The following CHD5 variants were observed in gnomAD, a reference collection of about 807,000 sequenced individuals.
CHD5 encodes chromodomain helicase DNA binding protein 5.
Under a neutral mutation model 230.3 loss-of-function variants are expected in CHD5, and 69 were observed. The observed-to-expected ratio is 0.30, with a 90% CI of 0.25 to 0.37. The LOEUF (loss-of-function observed/expected upper bound fraction) is 0.37. CHD5 is among the 10% of genes least tolerant of loss of function. CHD5 has a pLI of 1.00. For missense variants in CHD5, 1,827 were observed against 2,622.8 expected (o/e 0.70, Z 6.63); for synonymous variants, 1,064 against 1,065.9 (o/e 1.00, Z 0.03).
rs2100882155 is a variant in CHD5, at chr1:6,168,176, A to G, written c.181T>C (p.Cys61Arg). The G allele has an allele frequency of 1.2e-6, 2 of 1,610,134 alleles. No individual in the cohort carries two copies. Among genetic ancestry groups the G allele is most frequent in the Non-Finnish European group, 8.5e-7 (1 of 1,177,364 alleles). ...TCTTTCTTCTTCCGCTTCCCTTTAC[A>G]CTTGTTTTCCTTGAGCTTCTTGGGT... ...KKPKKLKENK[C>R]KGKRKKKEGS... The change falls in exon 2 of 42, where the codon TGT (cysteine) becomes CGT (arginine). Residue 61 changes from cysteine to arginine, a missense_variant. Coordinates refer to ENST00000262450, the MANE Select transcript of CHD5 (RefSeq NM_015557.3).
Position 6,105,369 on chromosome 1 carries a change from TA to T in CHD5, c.*104del. On this transcript the variant is annotated 3_prime_UTR_variant, in exon 42 of 42. Transcript: ENST00000262450. The surrounding 1 kb of genome is among the most constrained non-coding windows in gnomAD (Gnocchi z 4.8). ...TTTGTCCCAAGGTGGCGCTGGCTCC[TA>T]AAAAGGTGGCAGCTTTTCTCTCCCA... The T allele has an allele frequency of 2.1e-6, 1 of 470,488 alleles. No individual in the cohort carries two copies. The highest frequency in any genetic ancestry group is 1.5e-5 in the South Asian group (1 of 64,520). 29.1% of individuals were successfully genotyped at this position (470,488 alleles called of 1,614,324 possible).
chr1:6,175,169 A>ATGGTGGGTGGATGAATGAG (rs1667404708), intron 1 of CHD5, among the ~76,000 whole-genome samples: 1 of 139,628 alleles, frequency 7.2e-6, no homozygotes, highest in Non-Finnish European at 1.5e-5. Context: ...TGGTGGGCGG[A>ATGGTGGGTGGATGAATGAG]TGGTGGGTGG....
At chr1:6,152,753 T>C (rs530391996) in intron 5 of CHD5, among the ~76,000 whole-genome samples, 1 of 152,338 alleles carries the variant, frequency 6.6e-6, no homozygotes, top group South Asian at 2.1e-4. Context: ...GACTGGAGGC[T>C]GCCCTGACCG....
intron 20 of CHD5, among the ~76,000 whole-genome samples, chr1:6,133,899 G>A (rs1482149616): frequency 1.3e-5 from 2 of 152,218 alleles, no homozygotes; most frequent in Non-Finnish European, 2.9e-5. Context: ...ATGCAGACCA[G>A]AAGGGCAGGT....
chr1:6,146,534 C>T lies in CHD5; in HGVS notation c.1591-111G>A, dbSNP rs1003439057. 1.3e-5 allele frequency: 18 copies of T among 1,385,690 alleles called. No homozygotes were observed. The highest frequency in any genetic ancestry group is 5.4e-5 in the Admixed American group (3 of 55,206). The allele number at this position is 1,385,690 out of a possible 1,614,324, so 85.8% of individuals were successfully genotyped here. On this transcript the variant is annotated intron_variant, in intron 10 of 41. Transcript: ENST00000262450. This position sits in a 1 kb window ranked among gnomAD's most constrained non-coding sequence, Gnocchi z 5.1. ...CAGGTCCCAGGCAGGACAATCCTCC[C>T]GCTCAGCACCACCCCAACTCCCAAC...
chr1:6,146,788 C>A lies in CHD5; in HGVS notation c.1467G>T (p.Pro489=), dbSNP rs545182922. 1.3e-6 allele frequency: 2 copies of A among 1,596,506 alleles called. No homozygotes were observed. The highest frequency in any genetic ancestry group is 2.2e-5 in the East Asian group (1 of 44,584). ...GGAGGCTGGGCTCCACGTCAGGCCC[C>A]GGCAGCCCCACCATGAAGGGGGCAG... ...EPPAPFMVGL[P]GPDVEPSLPP... Residue 489 remains proline, a synonymous_variant, in exon 10 of 42, where the codon CCG becomes CCT. Coordinates refer to ENST00000262450, the MANE Select transcript of CHD5 (RefSeq NM_015557.3). This position sits in a 1 kb window ranked among gnomAD's most constrained non-coding sequence, Gnocchi z 5.1.
At position 6,111,769 on chromosome 1, in the gene CHD5, G is replaced by A; in HGVS notation, c.5249+6C>T. The A allele has an allele frequency of 6.2e-7, 1 of 1,612,398 alleles. No individual in the cohort carries two copies. Among genetic ancestry groups the A allele is most frequent in the Middle Eastern group, 1.7e-4 (1 of 6,052 alleles). On this transcript the variant is annotated splice_donor_region_variant and intron_variant, in intron 36 of 41. Coordinates refer to ENST00000262450, the MANE Select transcript of CHD5 (RefSeq NM_015557.3). ...TCCCTGCCCAGCCCGGCCTGGCCAA[G>A]GATACGTCACGATGCCCGCCAGCAG... is the stretch of plus-strand genomic sequence containing the variant.
intron 6 of CHD5, 143 bp downstream of exon 6, chr1:6,152,269 G>T (rs1429603027): frequency 1.2e-5 from 10 of 860,502 alleles, no homozygotes; most frequent in Non-Finnish European, 1.6e-5. Context: ...CTGCATGTAG[G>T]ATGGAAGGAG....
chr1:6,108,360 GATGGAGGA>G (rs1347363083), intron 38 of CHD5, among the ~76,000 whole-genome samples: 1 of 149,944 alleles, frequency 6.7e-6, no homozygotes, highest in Non-Finnish European at 1.5e-5. Flanking sequence ...ATAATGGAGG[GATGGAGGA>G]ATGGAAGGAC....
chr1:6,128,331 T>G lies in CHD5; in HGVS notation c.3731-113A>C. The G allele has an allele frequency of 8.3e-7, 1 of 1,199,264 alleles. No individual in the cohort carries two copies. The highest frequency in any genetic ancestry group is 1.2e-6 in the Non-Finnish European group (1 of 840,328). The allele number at this position is 1,199,264 out of a possible 1,614,324, so 74.3% of individuals were successfully genotyped here. On this transcript the variant is annotated intron_variant, in intron 24 of 41. Coordinates refer to ENST00000262450, the MANE Select transcript of CHD5 (RefSeq NM_015557.3). The surrounding 1 kb of genome is among the most constrained non-coding windows in gnomAD (Gnocchi z 7.8). Reference sequence around the variant, plus strand: ...TCCCATCCCCAGCAGGGGCTGCAGCTGAGAGGCATGGTGACCAGACAGAGG... The same window carrying G: ...TCCCATCCCCAGCAGGGGCTGCAGCGGAGAGGCATGGTGACCAGACAGAGG...
intron 33 of CHD5, among the ~76,000 whole-genome samples, chr1:6,119,039 A>T (rs1666421909): frequency 6.7e-6 from 1 of 148,194 alleles, no homozygotes; most frequent in Admixed American, 6.8e-5. Context: ...TGATATGTTA[A>T]CTATATCACC....
chr1:6,159,180 C>G (rs1043409803), intron 3 of CHD5, among the ~76,000 whole-genome samples, 156 bp downstream of exon 3: 1 of 151,400 alleles, frequency 6.6e-6, no homozygotes, highest in African/African-American at 2.4e-5. Flanking sequence ...TGCAGTGAGC[C>G]GAGGTCACGC....
chr1:6,109,692 T>C lies in CHD5; in HGVS notation c.5578+103A>G, dbSNP rs1333077582. ...CCACCGCCCTCTGGGCTGACATCTG[T>C]CCCCAGCCCCTACCCCATCAGTGCC... On this transcript the variant is annotated intron_variant, in intron 38 of 41. Coordinates refer to ENST00000262450, the MANE Select transcript of CHD5 (RefSeq NM_015557.3). The C allele has an allele frequency of 2.2e-5, 22 of 992,758 alleles. No homozygotes were observed. In the Admixed American group the frequency reaches 3.1e-4, roughly 14 times the overall value. The allele number at this position is 992,758 out of a possible 1,614,324, so 61.5% of individuals were successfully genotyped here.
chr1:6,146,180 G>A lies in CHD5; in HGVS notation c.1802+32C>T, dbSNP rs747189579. 1.5e-5 allele frequency: 24 copies of A among 1,603,404 alleles called. No homozygotes were observed. Among genetic ancestry groups the A allele is most frequent in the Non-Finnish European group, 1.8e-5 (21 of 1,171,738 alleles). On this transcript the variant is annotated intron_variant, in intron 11 of 41. Transcript: ENST00000262450. This position sits in a 1 kb window ranked among gnomAD's most constrained non-coding sequence, Gnocchi z 5.1. ...GAAGCTGACGTGGCCCGGCCCCAGC[G>A]ATGGGCAGGGTGGCCGCCTGCAGGC...
intron 1 of CHD5, among the ~76,000 whole-genome samples, chr1:6,175,254 T>TGGAG (rs1667406381): frequency 7.6e-6 from 1 of 130,862 alleles, no homozygotes; most frequent in African/African-American, 3.9e-5. Flanking sequence ...GATGGATGGA[T>TGGAG]GGTGGGTGGA....
Position 6,144,074 on chromosome 1 carries a change from G to A in CHD5, c.1884C>T (p.Asp628=). ...GGTTGTCGTAGTAGGGGATGTCGATGTCATCGATCTCCCAGGTGCACTGGT... is the reference window on the plus strand; with the variant it reads ...GGTTGTCGTAGTAGGGGATGTCGATATCATCGATCTCCCAGGTGCACTGGT... ...PYDQCTWEID[D]IDIPYYDNLK... The change falls in exon 12 of 42, where the codon GAC becomes GAT. Residue 628 remains aspartate (D), a synonymous_variant. Coordinates refer to ENST00000262450, the MANE Select transcript of CHD5 (RefSeq NM_015557.3). 1.2e-6 allele frequency: 2 copies of A among 1,614,186 alleles called. No individual in the cohort carries two copies. Among genetic ancestry groups the A allele is most frequent in the Non-Finnish European group, 1.7e-6 (2 of 1,180,036 alleles).
In CHD5 at chr1:6,111,532, T is replaced by A. The variant is rs185418202; in HGVS notation, c.5249+243A>T. 1.4e-3 allele frequency among the ~76,000 whole-genome samples: 182 copies of A among 129,322 alleles called. 4 individuals are homozygous for A. The East Asian group carries it at 0.034, about 24-fold the overall frequency. The allele number at this position is 129,322 out of a possible 152,430, so 84.8% of individuals were successfully genotyped here. A position where few individuals can be genotyped will look rare whatever the true frequency, so the allele number is the denominator to read the frequency against. On this transcript the variant is annotated intron_variant, in intron 36 of 41. Coordinates refer to ENST00000262450, the MANE Select transcript of CHD5 (RefSeq NM_015557.3). Reference sequence around the variant, plus strand: ...CTGGGTGACAGAGTGAAACTCTATCTCAAAAAAAAAAAAAAAAAGAGAGAG... The same window carrying A: ...CTGGGTGACAGAGTGAAACTCTATCACAAAAAAAAAAAAAAAAAGAGAGAG...
rs1336817377 is a variant in CHD5, at chr1:6,105,984, C to T, written c.*46+250G>A. 6.6e-6 allele frequency among the ~76,000 whole-genome samples: 1 copy of T among 152,214 alleles called. No homozygotes were observed. Among genetic ancestry groups the T allele is most frequent in the Non-Finnish European group, 1.5e-5 (1 of 68,032 alleles). ...ACACACAGGAGCTCACCCAAGTCCA[C>T]CGACCCCTTCATGTCCTGCCACCCC... On this transcript the variant is annotated intron_variant, in intron 41 of 41. Coordinates refer to ENST00000262450, the MANE Select transcript of CHD5 (RefSeq NM_015557.3). This position sits in a 1 kb window ranked among gnomAD's most constrained non-coding sequence, Gnocchi z 4.8.
At chr1:6,127,423 T>C (rs1666576393) in intron 25 of CHD5, among the ~76,000 whole-genome samples, 1 of 152,006 alleles carries the variant, frequency 6.6e-6, no homozygotes, top group East Asian at 1.9e-4. Context: ...GAGGCGTTGG[T>C]TGCAGTGAGC....
Sources: allele counts gnomAD v4.1 joint callset (sites outside exome capture counted in the v4.1 genomes callset), GRCh38; gene constraint gnomAD v4.1.1; non-coding constraint Gnocchi (gnomAD v3.1); transcripts MANE v1.5; gene names NCBI Gene and HGNC (gene_info 2026-07-23, HGNC 2026-07-21).